WWOX: variants seen among roughly 807,000 people sequenced by gnomAD.
The protein encoded by WWOX is WW domain-containing oxidoreductase.
In WWOX, 69 loss-of-function variants were observed where a neutral mutation model predicts 46.2. That is an observed-to-expected ratio of 1.49 (90% CI 1.23 to 1.82). The LOEUF is 1.82. Among genes scored for constraint, WWOX ranks in the 40% most tolerant of loss-of-function variants. The pLI is 0.00. For missense variants in WWOX, 919 were observed against 542.6 expected (o/e 1.69, Z -6.89); for synonymous variants, 359 against 202.6 (o/e 1.77, Z -6.56).
At chr16:78,618,766 A>T (rs2151640408) in intron 8 of WWOX, among the ~76,000 whole-genome samples, 1 of 151,986 alleles carries the variant, frequency 6.6e-6, no homozygotes, top group Admixed American at 6.5e-5. Flanking sequence ...TCCCCACCTG[A>T]GACCTGAGAG....
rs566062144 is a variant in WWOX, at chr16:79,152,185, C to T, written c.1057-59423C>T. On this transcript the variant is annotated intron_variant, in intron 8 of 8. Transcript: ENST00000566780. ...TTGGAACTTGCTTGCATCCCTCCCC[C>T]ACGCGAGGCGAGGCCCTGAGGAGCG... Among the ~76,000 whole-genome samples, 16 of 152,308 alleles carry T rather than the reference C, an allele frequency of 1.1e-4. No individual in the cohort carries two copies. The East Asian group carries it at 1.7e-3, about 17-fold the overall frequency.
intron 5 of WWOX, among the ~76,000 whole-genome samples, chr16:78,289,168 A>T (rs13333906): frequency 0.26 from 39,122 of 152,024 alleles, 5,645 homozygotes; most frequent in East Asian, 0.39. Flanking sequence ...CAGCGTCACT[A>T]TGCCAGTCTG....
chr16:78,978,738 C>T (rs1052839605), intron 8 of WWOX, among the ~76,000 whole-genome samples: 3 of 152,180 alleles, frequency 2.0e-5, no homozygotes, highest in Non-Finnish European at 2.9e-5. Context: ...TTTTCAACCA[C>T]CGAATCGCAT....
intron 8 of WWOX, among the ~76,000 whole-genome samples, chr16:78,629,179 G>T (rs1318238010): frequency 6.6e-6 from 1 of 151,914 alleles, no homozygotes; most frequent in African/African-American, 2.4e-5. Flanking sequence ...TTTCCCTTTG[G>T]GGTTCTTATG....
chr16:78,949,943 T>C (rs11150117), intron 8 of WWOX, among the ~76,000 whole-genome samples: 35,665 of 152,106 alleles, frequency 0.23, 4,473 homozygotes, highest in Middle Eastern at 0.34. Flanking sequence ...AAAGGATATG[T>C]GAAGCACTTT....
chr16:79,058,579 G>A (rs2048307188), intron 8 of WWOX, among the ~76,000 whole-genome samples: 2 of 152,088 alleles, frequency 1.3e-5, no homozygotes, highest in South Asian at 2.1e-4. Context: ...CACGTTTTGT[G>A]GTGAATGAAA....
chr16:78,142,555 A>G (rs759094343), intron 4 of WWOX, among the ~76,000 whole-genome samples: 3 of 152,366 alleles, frequency 2.0e-5, no homozygotes, highest in Middle Eastern at 3.4e-3. Context: ...CAAGTATGCC[A>G]GAAAAGCATC....
chr16:79,039,419 G>C (rs1290792416), intron 8 of WWOX, among the ~76,000 whole-genome samples: 2 of 152,166 alleles, frequency 1.3e-5, no homozygotes. Flanking sequence ...GAACAGCCAA[G>C]CCCTGGAACA....
intron 8 of WWOX, among the ~76,000 whole-genome samples, chr16:79,107,009 C>T (rs532986816): frequency 4.3e-4 from 66 of 152,060 alleles, no homozygotes; most frequent in Non-Finnish European, 7.5e-4. Flanking sequence ...TGGGGTTTCA[C>T]CATGGTGGCC....
intron 5 of WWOX, among the ~76,000 whole-genome samples, chr16:78,370,130 CAAAAA>C (rs749015478): frequency 2.6e-5 from 2 of 76,094 alleles, no homozygotes; most frequent in East Asian, 3.9e-4. Flanking sequence ...AGACTGTCTC[CAAAAA>C]AAAAAAAAAA....
chr16:78,129,475 C>T (rs1349330903), intron 4 of WWOX, among the ~76,000 whole-genome samples: 2 of 152,052 alleles, frequency 1.3e-5, no homozygotes, highest in Non-Finnish European at 1.5e-5. Flanking sequence ...AGTAAAAATA[C>T]AGTGTTGTAA....
At chr16:78,621,477 C>G (rs2046179963) in intron 8 of WWOX, among the ~76,000 whole-genome samples, 1 of 151,848 alleles carries the variant, frequency 6.6e-6, no homozygotes, top group African/African-American at 2.4e-5. Context: ...GCATCTCTCC[C>G]TCTACTTAGA....
intron 8 of WWOX, among the ~76,000 whole-genome samples, chr16:78,960,079 G>C (rs1373668741): frequency 6.6e-6 from 1 of 152,208 alleles, no homozygotes; most frequent in Non-Finnish European, 1.5e-5. Flanking sequence ...ATGGCTACAG[G>C]TCAGGGTCAT....
intron 8 of WWOX, among the ~76,000 whole-genome samples, chr16:78,832,224 T>G (rs1354679819): frequency 2.6e-5 from 4 of 152,148 alleles, no homozygotes; most frequent in Non-Finnish European, 5.9e-5. Flanking sequence ...GATGTGGCTT[T>G]TAGCAGGAGG....
At chr16:78,397,557 T>C (rs1439319302) in intron 6 of WWOX, among the ~76,000 whole-genome samples, 1 of 152,232 alleles carries the variant, frequency 6.6e-6, no homozygotes, top group Non-Finnish European at 1.5e-5. Flanking sequence ...GAGCTCAGCT[T>C]GCATAGTAGC....
At chr16:78,216,727 C>G (rs1253100627) in intron 5 of WWOX, among the ~76,000 whole-genome samples, 1 of 151,668 alleles carries the variant, frequency 6.6e-6, no homozygotes, top group Non-Finnish European at 1.5e-5. Context: ...GGTCCTCTCC[C>G]TATTTATTTT....
At chr16:78,395,532 A>G (rs931347623) in intron 6 of WWOX, among the ~76,000 whole-genome samples, 2 of 152,074 alleles carry the variant, frequency 1.3e-5, no homozygotes, top group Admixed American at 6.6e-5. Flanking sequence ...GGAAAAAGAG[A>G]GAGAAGGGCA....
intron 5 of WWOX, among the ~76,000 whole-genome samples, chr16:78,259,036 TA>T (rs2038208756): frequency 6.6e-6 from 1 of 152,226 alleles, no homozygotes; most frequent in Non-Finnish European, 1.5e-5. Flanking sequence ...TAAGAACTCA[TA>T]AAGTAATTTA....
At chr16:79,061,522 T>C (rs2048357280) in intron 8 of WWOX, among the ~76,000 whole-genome samples, 1 of 152,154 alleles carries the variant, frequency 6.6e-6, no homozygotes, top group African/African-American at 2.4e-5. Context: ...CATTCAACAA[T>C]TAGAAGCTGC....
Sources: allele counts gnomAD v4.1 joint callset (sites outside exome capture counted in the v4.1 genomes callset), GRCh38; gene constraint gnomAD v4.1.1; transcripts MANE v1.5; gene names NCBI Gene and HGNC (gene_info 2026-07-23, HGNC 2026-07-21).